Variants in FDFT1 observed in about 807,000 individuals in gnomAD.
The protein encoded by FDFT1 is squalene synthase.
In FDFT1, 68 loss-of-function variants were observed where a neutral mutation model predicts 46.8. The observed-to-expected ratio is 1.45, with a 90% CI of 1.19 to 1.78. The LOEUF (loss-of-function observed/expected upper bound fraction) is 1.78. Among genes scored for constraint, FDFT1 ranks in the 40% most tolerant of loss-of-function variants. The pLI, the probability that FDFT1 is intolerant of heterozygous loss-of-function variation, is 0.00. For missense variants in FDFT1, 928 were observed against 524.4 expected, an observed-to-expected ratio of 1.77 and a Z score of -7.52; for synonymous variants, 351 against 185.1, an observed-to-expected ratio of 1.90 and a Z score of -7.28.
At chr8:11,803,768 T>G (rs1465420707) in intron 1 of FDFT1, 1 of 182,490 alleles carries the variant, frequency 5.5e-6, no homozygotes, top group Non-Finnish European at 1.2e-5. Flanking sequence ...CATCGGAGTC[T>G]TTCTTTCAGT....
chr8:11,803,609 G>C (rs1806426877), intron 1 of FDFT1: 9 of 586,348 alleles, frequency 1.5e-5, no homozygotes, highest in South Asian at 1.4e-4. Flanking sequence ...ATTCCAACAA[G>C]AAAATTATTC....
chr8:11,815,401 G>T (rs554555775), intron 3 of FDFT1, among the ~76,000 whole-genome samples: 2 of 152,226 alleles, frequency 1.3e-5, no homozygotes, highest in African/African-American at 4.8e-5. Flanking sequence ...GGGATTGCTG[G>T]GTCAAATGGT....
intron 2 of FDFT1, chr8:11,809,144 C>A (rs566602715): frequency 1.5e-5 from 19 of 1,308,088 alleles, no homozygotes; most frequent in Non-Finnish European, 1.7e-5. Flanking sequence ...TTTTTTTAGT[C>A]TTGGCAGCTG....
rs532276196 is a variant in FDFT1, at chr8:11,838,916, T to A, written c.*307T>A. 1.1e-5 allele frequency: 4 copies of A among 366,928 alleles called. No individual in the cohort carries two copies. The highest frequency in any genetic ancestry group is 1.5e-5 in the Non-Finnish European group (3 of 198,776). 22.7% of individuals were successfully genotyped at this position (366,928 alleles called of 1,614,324 possible). On this transcript the variant is annotated 3_prime_UTR_variant, in exon 8 of 8. Transcript: ENST00000220584. ...ATATGTGACTGTCATGAGATCCTACTTAGTATGATCCTGGCTAGAATGATA... is the reference window on the plus strand; with the variant it reads ...ATATGTGACTGTCATGAGATCCTACATAGTATGATCCTGGCTAGAATGATA...
chr8:11,809,063 T>G, intron 2 of FDFT1, 172 bp downstream of exon 2: 6 of 1,335,822 alleles, frequency 4.5e-6, no homozygotes, highest in Admixed American at 2.6e-5. Context: ...TCCAGGCTCT[T>G]TGCCATCTAG....
chr8:11,828,957 C>A (rs7009969), intron 5 of FDFT1, among the ~76,000 whole-genome samples: 2 of 152,142 alleles, frequency 1.3e-5, no homozygotes, highest in Non-Finnish European at 2.9e-5. Flanking sequence ...GTGAATAGTA[C>A]TGTGTACATT....
intron 3 of FDFT1, among the ~76,000 whole-genome samples, chr8:11,816,749 T>G (rs13278684): frequency 0.18 from 27,095 of 152,222 alleles, 3,277 homozygotes; most frequent in East Asian, 0.54. Flanking sequence ...AAGTTGCTTA[T>G]CAGCTTAAGG....
At chr8:11,809,390 T>A in intron 2 of FDFT1, 3 of 1,173,700 alleles carry the variant, frequency 2.6e-6, no homozygotes, top group Non-Finnish European at 3.2e-6. Context: ...TCTTCTGGTC[T>A]CCATAGTTCT....
chr8:11,822,049 C>T (rs139471417), intron 4 of FDFT1, among the ~76,000 whole-genome samples, 171 bp downstream of exon 4: 4 of 152,182 alleles, frequency 2.6e-5, no homozygotes, highest in Non-Finnish European at 4.4e-5. Context: ...AGAGTTAATT[C>T]CAAACCAGCA....
intron 5 of FDFT1, among the ~76,000 whole-genome samples, chr8:11,828,422 A>G (rs963952301): frequency 6.6e-6 from 1 of 152,224 alleles, no homozygotes; most frequent in African/African-American, 2.4e-5. Context: ...TCTTTTGCAG[A>G]CACAGGGCTC....
upstream of FDFT1, among the ~76,000 whole-genome samples, chr8:11,799,678 T>A (rs1367977917): frequency 2.0e-5 from 3 of 152,238 alleles, no homozygotes; most frequent in African/African-American, 7.2e-5. Flanking sequence ...CTGGGAGCCG[T>A]GGCTCACGCC....
At chr8:11,820,220 G>T (rs1023958536) in intron 3 of FDFT1, among the ~76,000 whole-genome samples, 1 of 152,066 alleles carries the variant, frequency 6.6e-6, no homozygotes, top group African/African-American at 2.4e-5. Context: ...TGGAAGCTTC[G>T]TCCAAGAAGG....
rs765556816 is a variant in FDFT1 at position 11,831,681 on chromosome 8, A to C, written c.1032+11A>C. The C allele has an allele frequency of 6.2e-7, 1 of 1,605,704 alleles. No individual in the cohort carries two copies. Among genetic ancestry groups the C allele is most frequent in the East Asian group, 2.2e-5 (1 of 44,796 alleles). The stretch of plus-strand genomic sequence containing the variant: ...CAGTATATGGAAGAGGTGGGTTTTT[A>C]TTTAACTACTTGGATAATTTGTAGC... On this transcript the variant is annotated intron_variant, in intron 7 of 7. Coordinates refer to ENST00000220584, the MANE Select transcript of FDFT1 (RefSeq NM_004462.5).
intron 5 of FDFT1, among the ~76,000 whole-genome samples, chr8:11,826,478 G>A (rs995361205): frequency 3.0e-4 from 46 of 152,114 alleles, no homozygotes; most frequent in African/African-American, 9.2e-4. Context: ...GGTGGATATG[G>A]TAACAACCCA....
intron 5 of FDFT1, among the ~76,000 whole-genome samples, chr8:11,826,583 G>A (rs1057248390): frequency 6.6e-6 from 1 of 152,214 alleles, no homozygotes; most frequent in Admixed American, 6.5e-5. Context: ...AGAGGCCAAG[G>A]TGGGCGGATC....
At chr8:11,832,546 T>A (rs1232819934) in intron 7 of FDFT1, among the ~76,000 whole-genome samples, 1 of 28,350 alleles carries the variant, frequency 3.5e-5, no homozygotes, top group African/African-American at 7.2e-5. Flanking sequence ...AGTGAGACTT[T>A]GTCTCAAAAA....
rs144913726 is a variant in FDFT1 at position 11,808,647 on chromosome 8, G to T, written c.100-147G>T. 1.5e-3 allele frequency: 2,130 copies of T among 1,405,856 alleles called. 28 individuals are homozygous for T. The African/African-American group carries it at 0.027, about 18-fold the overall frequency. The allele number at this position is 1,405,856 out of a possible 1,614,324, so 87.1% of individuals were successfully genotyped here. Reference sequence around the variant, plus strand: ...GCGGGGCTGCTGCTTGCCTCCTGCCGCCTGGCCCTGCAAGGACTGGCCTCG... The same window carrying T: ...GCGGGGCTGCTGCTTGCCTCCTGCCTCCTGGCCCTGCAAGGACTGGCCTCG... On this transcript the variant is annotated intron_variant, in intron 1 of 7. Coordinates refer to ENST00000220584, the MANE Select transcript of FDFT1 (RefSeq NM_004462.5).
chr8:11,814,441 C>T (rs936738369), intron 3 of FDFT1, among the ~76,000 whole-genome samples: 1 of 151,780 alleles, frequency 6.6e-6, no homozygotes, highest in Non-Finnish European at 1.5e-5. Context: ...AGGTGTATTC[C>T]GAGGAAGTTT....
intron 1 of FDFT1, among the ~76,000 whole-genome samples, chr8:11,807,566 C>T (rs1003237405): frequency 1.4e-5 from 2 of 144,534 alleles, no homozygotes; most frequent in African/African-American, 2.5e-5. Flanking sequence ...TTTCCACTCC[C>T]TGTGGGCCTA....
Sources: gnomAD v4.1 joint callset for allele counts (sites outside exome capture counted in the v4.1 genomes callset) on GRCh38, gnomAD v4.1.1 for gene constraint, MANE v1.5 for transcripts, NCBI Gene and HGNC (gene_info 2026-07-23, HGNC 2026-07-21) for gene names.